The following CD47 variants were observed in gnomAD, a reference collection of about 807,000 sequenced individuals.
CD47 encodes the protein CD47 molecule, also known as leukocyte surface antigen CD47.
A neutral mutation model predicts 44.6 loss-of-function variants in CD47; 11 were observed. The observed-to-expected ratio is 0.25, with a 90% CI of 0.16 to 0.41. The LOEUF (loss-of-function observed/expected upper bound fraction) is 0.41, where lower values mean the gene tolerates loss of function less well. Among genes scored for constraint, CD47 ranks in the 10% least tolerant of loss-of-function variants. The pLI is 1.00. For synonymous variants in CD47, 140 were observed against 136.3 expected, an observed-to-expected ratio of 1.03 and a Z score of -0.19; for missense variants, 306 against 386.7, an observed-to-expected ratio of 0.79 and a Z score of 1.75.
intron 2 of CD47, among the ~76,000 whole-genome samples, chr3:108,077,432 T>C (rs973496076): frequency 3.3e-5 from 5 of 152,158 alleles, no homozygotes; most frequent in African/African-American, 1.2e-4. Context: ...ACCAGATCAC[T>C]CTTACATTGT....
intron 7 of CD47, chr3:108,055,495 T>C: frequency 8.0e-7 from 1 of 1,253,732 alleles, no homozygotes; most frequent in South Asian, 1.3e-5. Context: ...TCTACCATGT[T>C]ATCTAAAGAG....
chr3:108,090,021 G>A (rs936957901), intron 1 of CD47, among the ~76,000 whole-genome samples: 1 of 150,846 alleles, frequency 6.6e-6, no homozygotes, highest in Non-Finnish European at 1.5e-5. Flanking sequence ...GGGGGTGGAG[G>A]TTCTTTGGCG....
At chr3:108,048,125 A>G (rs887522172) in intron 10 of CD47, among the ~76,000 whole-genome samples, 6 of 151,600 alleles carry the variant, frequency 4.0e-5, no homozygotes, top group African/African-American at 1.5e-4. Flanking sequence ...TCCTGGAACA[A>G]ACCATGCCAT....
intron 2 of CD47, among the ~76,000 whole-genome samples, chr3:108,076,056 A>T (rs1334773608): frequency 6.6e-6 from 1 of 152,116 alleles, no homozygotes; most frequent in Non-Finnish European, 1.5e-5. Context: ...CTAGAACAAG[A>T]CCCCAAACTC....
intron 1 of CD47, among the ~76,000 whole-genome samples, chr3:108,088,632 A>C (rs1019664908): frequency 1.3e-5 from 2 of 152,194 alleles, no homozygotes; most frequent in African/African-American, 4.8e-5. Context: ...TTAAAAAAAA[A>C]AACAACTCAT....
chr3:108,049,794 T>C (rs2078793634), intron 9 of CD47, 143 bp from the exon 10 acceptor site: 2 of 667,838 alleles, frequency 3.0e-6, no homozygotes, highest in African/African-American at 1.8e-5. Flanking sequence ...TTTCATTATG[T>C]AGCCTTTCTG....
chr3:108,074,387 C>T (rs2079266204), intron 2 of CD47, among the ~76,000 whole-genome samples: 1 of 151,966 alleles, frequency 6.6e-6, no homozygotes, highest in South Asian at 2.1e-4. Context: ...GGTCTCAGCT[C>T]ACTGCAACCT....
At chr3:108,051,487 C>T (rs542271368) in intron 8 of CD47, among the ~76,000 whole-genome samples, 24 of 152,182 alleles carry the variant, frequency 1.6e-4, no homozygotes, top group African/African-American at 3.9e-4. Flanking sequence ...ATCATAACTC[C>T]GAACAGATGT....
chr3:108,084,006 T>G (rs1215837067), intron 1 of CD47, among the ~76,000 whole-genome samples: 3 of 152,010 alleles, frequency 2.0e-5, no homozygotes, highest in Non-Finnish European at 4.4e-5. Context: ...CTTAGTTGAT[T>G]ATCAGCCTCC....
intron 3 of CD47, among the ~76,000 whole-genome samples, chr3:108,070,718 A>G (rs989519029): frequency 6.6e-6 from 1 of 152,234 alleles, no homozygotes; most frequent in Non-Finnish European, 1.5e-5. Flanking sequence ...GCTCCAAAGT[A>G]TAACGTCCTA....
At chr3:108,068,400 G>A (rs1040210101) in intron 3 of CD47, among the ~76,000 whole-genome samples, 1 of 152,130 alleles carries the variant, frequency 6.6e-6, no homozygotes, top group Non-Finnish European at 1.5e-5. Flanking sequence ...TTGGTGTCCA[G>A]CAATCAGTAG....
rs2079627261 is a variant in CD47, at chr3:108,090,961, GCCGCCGCCGCCGTTACAGGCAGGACCGA to G, written c.-81_-54del. On this transcript the variant is annotated 5_prime_UTR_variant, in exon 1 of 11. Transcript: ENST00000361309. The stretch of plus-strand genomic sequence containing the variant: ...GCCGCCGCAGGTGTCCGGAGCAGCA[GCCGCCGCCGCCGTTACAGGCAGGACCGA>G]CCGCCGCCGCGCGTCACAGGCAGGA... 9.5e-6 allele frequency: 12 copies of G among 1,261,898 alleles called. No individual in the cohort carries two copies. Among genetic ancestry groups the G allele is most frequent in the East Asian group, 3.3e-5 (1 of 30,426 alleles). The allele number at this position is 1,261,898 out of a possible 1,614,324, so 78.2% of individuals were successfully genotyped here. A position where few individuals can be genotyped will look rare whatever the true frequency, so the allele number is the denominator to read the frequency against.
At position 108,058,379 on chromosome 3, in the gene CD47, C is replaced by T; in HGVS notation, c.742G>A (p.Ala248Thr). The T allele has an allele frequency of 1.3e-6, 2 of 1,567,702 alleles. No homozygotes were observed. The highest frequency in any genetic ancestry group is 2.3e-5 in the South Asian group (2 of 85,198). ...VIAILVIQVI[A>T]YILAVVGLSL... ...AGTCCAACCACAGCGAGGATATAGG[C>T]TATCACCTGAATAACCAATATGGCA... The change falls in exon 6 of 11, where the codon GCC becomes ACC. Residue 248 changes from alanine (A) to threonine (T), a missense_variant. This residue lies in a region of CD47 where 131 missense variants were observed against 135.3 expected (regional missense o/e 0.97). Transcript: ENST00000361309.
chr3:108,070,328 T>C (rs1332490132), intron 3 of CD47, among the ~76,000 whole-genome samples: 2 of 152,216 alleles, frequency 1.3e-5, no homozygotes, highest in Non-Finnish European at 1.5e-5. Context: ...GGAATAAATC[T>C]TGTATTTAAA....
At chr3:108,058,272 G>A in intron 6 of CD47, 65 bp downstream of exon 6, 4 of 877,120 alleles carry the variant, frequency 4.6e-6, no homozygotes, top group African/African-American at 3.6e-5. Context: ...GAAAGAAAAA[G>A]AAAAAGGAAG....
At chr3:108,060,873 A>G in intron 3 of CD47, 21 bp from the exon 4 acceptor site, 1 of 1,495,638 alleles carries the variant, frequency 6.7e-7, no homozygotes, top group Non-Finnish European at 9.3e-7. Flanking sequence ...AAAAACAAAG[A>G]ATTATATGAA....
At chr3:108,087,033 A>T (rs1048651749) in intron 1 of CD47, among the ~76,000 whole-genome samples, 5 of 152,198 alleles carry the variant, frequency 3.3e-5, no homozygotes, top group Non-Finnish European at 1.5e-5. Context: ...ACCACACACC[A>T]CTATTTTTTG....
At position 108,090,898 on chromosome 3, in the gene CD47, AG is replaced by A. The variant is rs2079623490; in HGVS notation, c.10del (p.Leu4TrpfsTer2). MWP[L>X]VAALLLGSAC... is the part of the protein sequence containing the mutation. The stretch of plus-strand genomic sequence containing the variant: ...CGAGCCCAGCAACAGCGCCGCTACC[AG>A]GGGCCACATCTCCGCGCCCGCCGCG... On this transcript the variant is annotated frameshift_variant, in exon 1 of 11. Transcript: ENST00000361309. LOFTEE classifies it high-confidence loss of function. The A allele has an allele frequency of 1.3e-6, 2 of 1,488,496 alleles. No homozygotes were observed. Among genetic ancestry groups the A allele is most frequent in the Non-Finnish European group, 1.8e-6 (2 of 1,124,924 alleles). The allele number at this position is 1,488,496 out of a possible 1,614,324, so 92.2% of individuals were successfully genotyped here. A position where few individuals can be genotyped will look rare whatever the true frequency, so the allele number is the denominator to read the frequency against.
intron 1 of CD47, among the ~76,000 whole-genome samples, chr3:108,084,394 C>A (rs115040833): frequency 0.013 from 2,039 of 152,106 alleles, 28 homozygotes; most frequent in Non-Finnish European, 0.021. Context: ...GCTTTGTCCA[C>A]CCCATCCTAG....
Sources: allele counts gnomAD v4.1 joint callset (sites outside exome capture counted in the v4.1 genomes callset), GRCh38; gene constraint gnomAD v4.1.1; regional missense constraint gnomAD v4.1.1; transcripts MANE v1.5; gene names NCBI Gene and HGNC (gene_info 2026-07-23, HGNC 2026-07-21).